PCDHGA2: variants seen among roughly 807,000 people sequenced by gnomAD.
The protein encoded by PCDHGA2 is protocadherin gamma-A2.
PCDHGA2 carries 40 observed loss-of-function variants against 59.2 expected under a neutral mutation model. That is an observed-to-expected ratio of 0.68 (90% CI 0.52 to 0.88). The LOEUF is 0.88. PCDHGA2 is among the 40% of genes least tolerant of loss of function. The probability of loss-of-function intolerance (pLI) is 0.00; values close to 1 mark genes in which losing one functional copy is unlikely to be tolerated. For missense variants in PCDHGA2, 1,226 were observed against 1,204.0 expected, an observed-to-expected ratio of 1.02 and a Z score of -0.27; for synonymous variants, 560 against 526.0, an observed-to-expected ratio of 1.06 and a Z score of -0.89.
intron 1 of PCDHGA2, chr5:141,415,818 A>G: frequency 2.3e-6 from 3 of 1,325,056 alleles, no homozygotes; most frequent in Middle Eastern, 2.8e-4. Context: ...CCTATATATC[A>G]TAAGGCTTTG....
chr5:141,400,233 C>T lies in PCDHGA2; in HGVS notation c.2424+58838C>T, dbSNP rs373858401. ...TGATCTCAGTGCTCTTCCTCCTGGCCGTGATTCTGGCCGTTGCCTTGCGCC... is the reference window on the plus strand; with the variant it reads ...TGATCTCAGTGCTCTTCCTCCTGGCTGTGATTCTGGCCGTTGCCTTGCGCC... On this transcript the variant is annotated intron_variant, in intron 1 of 3. Coordinates refer to ENST00000394576, the MANE Select transcript of PCDHGA2 (RefSeq NM_018915.4). 100 of 1,613,988 alleles carry T rather than the reference C, an allele frequency of 6.2e-5. 1 individual carries two copies. The African/African-American group carries it at 1.1e-3, about 18-fold the overall frequency.
At chr5:141,473,944 CTGTA>C (rs2099333270) in intron 1 of PCDHGA2, among the ~76,000 whole-genome samples, 2 of 152,156 alleles carry the variant, frequency 1.3e-5, no homozygotes, top group Non-Finnish European at 2.9e-5. Context: ...TAGCTCAGGC[CTGTA>C]GTCCCATCTA....
intron 1 of PCDHGA2, among the ~76,000 whole-genome samples, chr5:141,450,088 C>T (rs1358812478): frequency 1.3e-5 from 2 of 148,484 alleles, no homozygotes; most frequent in East Asian, 2.0e-4. Context: ...CTCACTGCAA[C>T]CTCCGCCTCC....
In PCDHGA2 at chr5:141,491,715, G is replaced by A. The variant is rs1333909488; in HGVS notation, c.2425-3092G>A. 1 of 1,607,782 alleles carries A rather than the reference G, an allele frequency of 6.2e-7. No individual in the cohort carries two copies. Among genetic ancestry groups the A allele is most frequent in the Admixed American group, 1.7e-5 (1 of 58,966 alleles). On this transcript the variant is annotated intron_variant, in intron 1 of 3. Transcript: ENST00000394576. This position sits in a 1 kb window ranked among gnomAD's most constrained non-coding sequence, Gnocchi z 6.9. ...AGCGGAGCCAGGTGAGGGGCTCGGC[G>A]CCGCCCCGGGCGACCCCTGGGGGCG...
At chr5:141,419,201 A>C in intron 1 of PCDHGA2, 1 of 1,613,998 alleles carries the variant, frequency 6.2e-7, no homozygotes, top group South Asian at 1.1e-5. Context: ...CGTCAATGAC[A>C]ACGCGCCGGT....
chr5:141,362,114 T>A, intron 1 of PCDHGA2: 2 of 1,613,988 alleles, frequency 1.2e-6, no homozygotes, highest in Non-Finnish European at 1.7e-6. Context: ...ACGGCCACGC[T>A]GCACCTAATC....
At chr5:141,357,538 A>C in intron 1 of PCDHGA2, 1 of 1,614,220 alleles carries the variant, frequency 6.2e-7, no homozygotes, top group South Asian at 1.1e-5. Flanking sequence ...AGACACGCTC[A>C]TCAGCCGGGA....
At chr5:141,383,356 C>A (rs1046340065) in intron 1 of PCDHGA2, 1 of 1,613,884 alleles carries the variant, frequency 6.2e-7, no homozygotes, top group Non-Finnish European at 8.5e-7. Context: ...GGTTCGGTTT[C>A]CGTTAAGCGA....
intron 1 of PCDHGA2, among the ~76,000 whole-genome samples, chr5:141,381,832 T>TTTG (rs1185630457): frequency 7.4e-6 from 1 of 135,134 alleles, no homozygotes; most frequent in Non-Finnish European, 1.6e-5. Flanking sequence ...TCTTCTTTTT[T>TTTG]TTTTTTTTTT....
chr5:141,387,555 A>G (rs1236867307), intron 1 of PCDHGA2: 10 of 410,246 alleles, frequency 2.4e-5, no homozygotes, highest in Non-Finnish European at 4.3e-5. Flanking sequence ...TCTTTCAGTT[A>G]GGCACACAAT....
intron 1 of PCDHGA2, among the ~76,000 whole-genome samples, chr5:141,437,716 C>T (rs575174227): frequency 1.2e-4 from 18 of 151,782 alleles, no homozygotes; most frequent in Admixed American, 1.0e-3. Flanking sequence ...CACAGTTACC[C>T]TCTAATGTTA....
At chr5:141,372,976 A>G (rs1223476542) in intron 1 of PCDHGA2, 1 of 663,898 alleles carries the variant, frequency 1.5e-6, no homozygotes, top group Non-Finnish European at 2.5e-6. Context: ...CCTGTAGAAT[A>G]TCTGTGTTGC....
chr5:141,356,405 A>G (rs1760213147), intron 1 of PCDHGA2: 5 of 1,590,826 alleles, frequency 3.1e-6, no homozygotes, highest in South Asian at 1.1e-5. Flanking sequence ...GGAAATTATT[A>G]TCGGTTGTTG....
At chr5:141,343,760 TA>T in intron 1 of PCDHGA2, 1 of 365,198 alleles carries the variant, frequency 2.7e-6, no homozygotes, top group Non-Finnish European at 4.9e-6. Context: ...GAGGATGCAG[TA>T]AACGGTTAGG....
intron 1 of PCDHGA2, among the ~76,000 whole-genome samples, chr5:141,478,961 C>T (rs887338339): frequency 6.6e-6 from 1 of 152,206 alleles, no homozygotes; most frequent in Non-Finnish European, 1.5e-5. Context: ...CCTCATTCCT[C>T]CACCTTTCAA....
chr5:141,343,497 T>A (rs1757290151), intron 1 of PCDHGA2: 2 of 515,770 alleles, frequency 3.9e-6, no homozygotes, highest in Non-Finnish European at 5.0e-6. Flanking sequence ...TTTTAATAGT[T>A]GTGTTGGTCC....
chr5:141,362,335 A>C (rs371396469), intron 1 of PCDHGA2: 1 of 1,613,940 alleles, frequency 6.2e-7, no homozygotes, highest in Non-Finnish European at 8.5e-7. Context: ...TCTCAGCTCC[A>C]AGCCTGGACC....
intron 1 of PCDHGA2, chr5:141,428,251 T>C (rs761574102): frequency 1.1e-5 from 10 of 893,496 alleles, no homozygotes; most frequent in Middle Eastern, 2.1e-4. Flanking sequence ...ACTGCCAGAC[T>C]TCAGTGACAG....
rs1259562533 is a variant in PCDHGA2 at position 141,482,788 on chromosome 5, G to T, written c.2425-12019G>T. 2.6e-5 allele frequency among the ~76,000 whole-genome samples: 4 copies of T among 152,184 alleles called. 1 individual carries two copies. Among genetic ancestry groups the T allele is most frequent in the Admixed American group, 2.6e-4 (4 of 15,278 alleles). ...TATCACTGAACCTTAAACTGTGTGTGTGGCCGGGTACGGTGGCTCATGCCT... is the reference window on the plus strand; with the variant it reads ...TATCACTGAACCTTAAACTGTGTGTTTGGCCGGGTACGGTGGCTCATGCCT... On this transcript the variant is annotated intron_variant, in intron 1 of 3. Transcript: ENST00000394576.
Sources: gnomAD v4.1 joint callset for allele counts (sites outside exome capture counted in the v4.1 genomes callset) on GRCh38, gnomAD v4.1.1 for gene constraint, Gnocchi (gnomAD v3.1) non-coding constraint, MANE v1.5 for transcripts, NCBI Gene and HGNC (gene_info 2026-07-23, HGNC 2026-07-21) for gene names.